HS6ST3: variants seen among roughly 807,000 people sequenced by gnomAD.
HS6ST3 encodes heparan-sulfate 6-O-sulfotransferase 3.
Under a neutral mutation model 36.7 loss-of-function variants are expected in HS6ST3, and 12 were observed. That is an observed-to-expected ratio of 0.33 (90% confidence interval 0.21 to 0.53). The LOEUF is 0.53. Among genes scored for constraint, HS6ST3 ranks in the 20% least tolerant of loss-of-function variants. The pLI is 0.95. For synonymous variants in HS6ST3, 240 were observed against 257.5 expected, an observed-to-expected ratio of 0.93 and a Z score of 0.65; for missense variants, 584 against 640.9, an observed-to-expected ratio of 0.91 and a Z score of 0.96.
chr13:96,177,236 A>G (rs536535731), intron 1 of HS6ST3, among the ~76,000 whole-genome samples: 3 of 152,344 alleles, frequency 2.0e-5, no homozygotes, highest in African/African-American at 4.8e-5. Context: ...AGCCAAAAGC[A>G]GAACTGCCAT....
intron 1 of HS6ST3, among the ~76,000 whole-genome samples, chr13:96,728,067 A>G (rs1466921136): frequency 1.3e-5 from 2 of 152,132 alleles, no homozygotes; most frequent in Admixed American, 1.3e-4. Context: ...AACTTTTTGA[A>G]GGCAAGAACA....
intron 1 of HS6ST3, among the ~76,000 whole-genome samples, chr13:96,344,043 C>T (rs889703482): frequency 1.3e-5 from 2 of 151,942 alleles, no homozygotes; most frequent in Admixed American, 6.6e-5. Flanking sequence ...CACTGGGCCT[C>T]GTTATTACAG....
At chr13:96,801,137 T>C (rs1338222616) in intron 1 of HS6ST3, among the ~76,000 whole-genome samples, 1 of 152,090 alleles carries the variant, frequency 6.6e-6, no homozygotes, top group Non-Finnish European at 1.5e-5. Context: ...TTCTCTTGGC[T>C]TTTCGGTCAG....
intron 1 of HS6ST3, among the ~76,000 whole-genome samples, chr13:96,586,165 C>A (rs540325144): frequency 6.6e-6 from 1 of 152,084 alleles, no homozygotes; most frequent in Admixed American, 6.6e-5. Context: ...TTTTGTCTTG[C>A]TAGTATCTTT....
Position 96,313,536 on chromosome 13 carries a change from T to C in HS6ST3, c.707+221967T>C, listed in dbSNP as rs77751269. ...ACAATTCTCATTTACGTATCTTAGG[T>C]CATGCAGTTCTTTTCCACTTACCTT... On this transcript the variant is annotated intron_variant, in intron 1 of 1. Transcript: ENST00000376705. 5.8e-3 allele frequency among the ~76,000 whole-genome samples: 883 copies of C among 152,244 alleles called. 11 individuals are homozygous for C. Among genetic ancestry groups the C allele is most frequent in the African/African-American group, 0.02 (851 of 41,520 alleles).
intron 1 of HS6ST3, among the ~76,000 whole-genome samples, chr13:96,627,670 C>A (rs2056517812): frequency 6.6e-6 from 1 of 151,602 alleles, no homozygotes; most frequent in South Asian, 2.1e-4. Context: ...GCTATTTTTT[C>A]TTTGTGAAAA....
At chr13:96,226,249 A>G (rs532028810) in intron 1 of HS6ST3, among the ~76,000 whole-genome samples, 1,770 of 152,350 alleles carry the variant, frequency 0.012, 36 homozygotes, top group African/African-American at 0.041. Context: ...GGCCAGACGC[A>G]GGGGCTCATG....
At chr13:96,485,753 T>C (rs1206634058) in intron 1 of HS6ST3, among the ~76,000 whole-genome samples, 3 of 152,130 alleles carry the variant, frequency 2.0e-5, no homozygotes, top group Non-Finnish European at 4.4e-5. Flanking sequence ...GGGAGGGAAA[T>C]ATATGAATGA....
chr13:96,756,880 C>G (rs896758477), intron 1 of HS6ST3, among the ~76,000 whole-genome samples: 1 of 152,184 alleles, frequency 6.6e-6, no homozygotes, highest in Non-Finnish European at 1.5e-5. Flanking sequence ...GTTTTCTATG[C>G]TGCATAAAAA....
intron 1 of HS6ST3, among the ~76,000 whole-genome samples, chr13:96,811,326 T>C (rs1878313024): frequency 1.3e-5 from 2 of 152,184 alleles, no homozygotes; most frequent in South Asian, 4.1e-4. Flanking sequence ...ACTTCTGATA[T>C]GATTTGGGCC....
intron 1 of HS6ST3, among the ~76,000 whole-genome samples, chr13:96,695,184 T>C (rs915325588): frequency 6.6e-6 from 1 of 152,336 alleles, no homozygotes; most frequent in East Asian, 1.9e-4. Context: ...TTTACTTCTT[T>C]GAGGCAAAAT....
chr13:96,209,615 T>C (rs1165095017), intron 1 of HS6ST3, among the ~76,000 whole-genome samples: 1 of 152,166 alleles, frequency 6.6e-6, no homozygotes, highest in Non-Finnish European at 1.5e-5. Flanking sequence ...CAGCAGGACC[T>C]TCTACAGGTT....
rs191061733 is a variant in HS6ST3, at chr13:96,488,934, C to G, written c.708-343556C>G. Among the ~76,000 whole-genome samples, 1,114 of 151,790 alleles carry G rather than the reference C, an allele frequency of 7.3e-3. 44 individuals carry two copies. The highest frequency in any genetic ancestry group is 0.064 in the Admixed American group (971 of 15,256). On this transcript the variant is annotated intron_variant, in intron 1 of 1. Transcript: ENST00000376705. ...GGGGAAAATAGATATAAAAAATTGTCAAGAATGTACATACCATGGTATGAT... is the reference window on the plus strand; with the variant it reads ...GGGGAAAATAGATATAAAAAATTGTGAAGAATGTACATACCATGGTATGAT...
intron 1 of HS6ST3, among the ~76,000 whole-genome samples, chr13:96,198,134 C>T (rs1032362878): frequency 1.3e-5 from 2 of 152,242 alleles, no homozygotes; most frequent in Admixed American, 6.5e-5. Flanking sequence ...CTTACACCCT[C>T]TGAAGCCACA....
At chr13:96,467,408 T>C (rs1334751723) in intron 1 of HS6ST3, among the ~76,000 whole-genome samples, 2 of 152,156 alleles carry the variant, frequency 1.3e-5, no homozygotes, top group East Asian at 3.9e-4. Context: ...TGCTGCCAAA[T>C]GGGATATTTT....
intron 1 of HS6ST3, among the ~76,000 whole-genome samples, chr13:96,228,916 C>T (rs1363462573): frequency 6.6e-6 from 1 of 152,100 alleles, no homozygotes; most frequent in Admixed American, 6.5e-5. Context: ...AAGCATTGCA[C>T]AGAGGAATGT....
At chr13:96,573,892 A>G in intron 1 of HS6ST3, 1 of 497,146 alleles carries the variant, frequency 2.0e-6, no homozygotes, top group Non-Finnish European at 4.0e-6. Flanking sequence ...CCTCTCCCCC[A>G]GTCTAATGGA....
intron 1 of HS6ST3, among the ~76,000 whole-genome samples, chr13:96,532,965 T>C (rs1340395463): frequency 6.6e-6 from 1 of 152,182 alleles, no homozygotes; most frequent in Non-Finnish European, 1.5e-5. Context: ...CTGTCTCCAA[T>C]GTTTCCCTGA....
intron 1 of HS6ST3, among the ~76,000 whole-genome samples, chr13:96,584,090 A>G (rs2056352225): frequency 6.6e-6 from 1 of 152,086 alleles, no homozygotes; most frequent in Non-Finnish European, 1.5e-5. Context: ...ACTTATGACT[A>G]TCTGCATTCA....
Sources: allele counts gnomAD v4.1 joint callset (sites outside exome capture counted in the v4.1 genomes callset), GRCh38; gene constraint gnomAD v4.1.1; transcripts MANE v1.5; gene names NCBI Gene and HGNC (gene_info 2026-07-23, HGNC 2026-07-21).